ELAVL2: variants seen among roughly 807,000 people sequenced by gnomAD.
The protein encoded by ELAVL2 is ELAV like RNA binding protein 2, also known as ELAV-like protein 2.
ELAVL2 carries 4 observed loss-of-function variants against 34.6 expected under a neutral mutation model. The ratio of observed to expected loss-of-function variants is 0.12; its 90% CI spans 0.06 to 0.26. The LOEUF is 0.26. Ranked by LOEUF, ELAVL2 falls within the 10% of genes least tolerant of loss-of-function variation. The probability of loss-of-function intolerance (pLI) is 1.00; values close to 1 mark genes in which losing one functional copy is unlikely to be tolerated. For missense variants in ELAVL2, 432 were observed against 442.8 expected, an observed-to-expected ratio of 0.98 and a Z score of 0.22; for synonymous variants, 193 against 154.8, an observed-to-expected ratio of 1.25 and a Z score of -1.83.
intron 3 of ELAVL2, among the ~76,000 whole-genome samples, chr9:23,706,066 C>T (rs966549515): frequency 3.3e-5 from 5 of 152,130 alleles, no homozygotes; most frequent in Non-Finnish European, 7.4e-5. Flanking sequence ...TGTGAACAAG[C>T]CCTCATTATC....
At chr9:23,698,403 C>G (rs779271806) in intron 5 of ELAVL2, among the ~76,000 whole-genome samples, 4 of 152,174 alleles carry the variant, frequency 2.6e-5, no homozygotes, top group Non-Finnish European at 5.9e-5. Context: ...CTCACAAACC[C>G]ACCTTTAAAC....
chr9:23,816,591 T>C (rs1413259464), intron 1 of ELAVL2, among the ~76,000 whole-genome samples: 1 of 151,816 alleles, frequency 6.6e-6, no homozygotes, highest in African/African-American at 2.4e-5. Flanking sequence ...CCCCAATTTA[T>C]GATGGTTCAA....
At chr9:23,821,906 G>C (rs1238427636) in intron 1 of ELAVL2, 2 of 151,234 alleles carry the variant, frequency 1.3e-5, no homozygotes, top group African/African-American at 4.8e-5. Flanking sequence ...GGCCGGCGGC[G>C]AGTTCGCGGC....
At chr9:23,783,298 C>T (rs986950798) in intron 1 of ELAVL2, among the ~76,000 whole-genome samples, 1 of 152,150 alleles carries the variant, frequency 6.6e-6, no homozygotes, top group Non-Finnish European at 1.5e-5. Flanking sequence ...AGTAAATATT[C>T]AAGGTGCCAA....
chr9:23,807,725 T>C (rs1239729401), intron 1 of ELAVL2, among the ~76,000 whole-genome samples: 1 of 152,166 alleles, frequency 6.6e-6, no homozygotes, highest in Non-Finnish European at 1.5e-5. Flanking sequence ...GTGGATGAAT[T>C]AGTGAAATTC....
intron 1 of ELAVL2, among the ~76,000 whole-genome samples, chr9:23,823,078 C>G (rs1030836321): frequency 2.6e-5 from 4 of 152,172 alleles, no homozygotes; most frequent in Admixed American, 6.5e-5. Context: ...TTTGTGCGAC[C>G]CAGTCTGGGG....
At chr9:23,711,503 C>G (rs568763203) in intron 3 of ELAVL2, among the ~76,000 whole-genome samples, 1 of 152,252 alleles carries the variant, frequency 6.6e-6, no homozygotes, top group South Asian at 2.1e-4. Flanking sequence ...TATACAAAAC[C>G]TTCGGTAGTA....
At chr9:23,764,832 C>T (rs1327463267) in intron 1 of ELAVL2, among the ~76,000 whole-genome samples, 1 of 152,096 alleles carries the variant, frequency 6.6e-6, no homozygotes, top group Admixed American at 6.6e-5. Context: ...CTACATACAC[C>T]ACTACAGTTA....
At chr9:23,735,290 T>G (rs1325348507) in intron 2 of ELAVL2, 3 of 152,076 alleles carry the variant, frequency 2.0e-5, no homozygotes, top group Non-Finnish European at 4.4e-5. Context: ...TCTTTCTTCT[T>G]TTGAGGCAAG....
At chr9:23,764,625 A>G (rs2055824449) in intron 1 of ELAVL2, among the ~76,000 whole-genome samples, 1 of 152,186 alleles carries the variant, frequency 6.6e-6, no homozygotes, top group Non-Finnish European at 1.5e-5. Flanking sequence ...TGGAGCATAA[A>G]GAATTGTAAA....
chr9:23,730,809 G>C (rs2046336000), intron 3 of ELAVL2, among the ~76,000 whole-genome samples: 1 of 152,032 alleles, frequency 6.6e-6, no homozygotes, highest in Admixed American at 6.6e-5. Flanking sequence ...GAGAGTTGTT[G>C]CTCTGTCCCC....
At chr9:23,710,822 A>G (rs1200834364) in intron 3 of ELAVL2, among the ~76,000 whole-genome samples, 1 of 152,190 alleles carries the variant, frequency 6.6e-6, no homozygotes, top group Non-Finnish European at 1.5e-5. Context: ...AAGCAGTAGC[A>G]AAGGTCTTGT....
In ELAVL2 at chr9:23,749,771, GA is replaced by G. The variant is rs542391593; in HGVS notation, c.229+12234del. 3.6e-4 allele frequency among the ~76,000 whole-genome samples: 55 copies of G among 152,218 alleles called. 1 individual carries two copies. The South Asian group carries it at 0.011, about 30-fold the overall frequency. Reference sequence around the variant, plus strand: ...GAAGTGGGACTTTACCAAGCTTTCAGAAAAGGCTTCTCCATCAATTTGGTCC... The same window carrying G: ...GAAGTGGGACTTTACCAAGCTTTCAGAAAGGCTTCTCCATCAATTTGGTCC... On this transcript the variant is annotated intron_variant, in intron 2 of 6. Coordinates refer to ENST00000397312, the MANE Select transcript of ELAVL2 (RefSeq NM_004432.5).
intron 1 of ELAVL2, among the ~76,000 whole-genome samples, chr9:23,800,192 C>T (rs181676748): frequency 6.6e-6 from 1 of 152,054 alleles, no homozygotes; most frequent in African/African-American, 2.4e-5. Flanking sequence ...TTCATTATTC[C>T]CATTCTGTAG....
At chr9:23,737,564 G>C (rs1413953533) in intron 2 of ELAVL2, among the ~76,000 whole-genome samples, 1 of 152,144 alleles carries the variant, frequency 6.6e-6, no homozygotes, top group Non-Finnish European at 1.5e-5. Flanking sequence ...TTTGTTGAAA[G>C]TACTTTTTCA....
intron 1 of ELAVL2, among the ~76,000 whole-genome samples, chr9:23,816,096 T>C (rs2063664203): frequency 6.6e-6 from 1 of 151,904 alleles, no homozygotes; most frequent in African/African-American, 2.4e-5. Flanking sequence ...CTAAAAACTG[T>C]ATGGAAATTT....
Position 23,692,667 on chromosome 9 carries a change from T to C in ELAVL2, c.970A>G (p.Met324Val), listed in dbSNP as rs1324144710. ...NKCKGFGFVT[M>V]TNYDEAAMAI... ...ATGGCAGCCTCATCATAGTTTGTCA[T>C]AGTCACAAATCCAAAACCTTTGCAT... Residue 324 changes from methionine to valine, a missense_variant, in exon 7 of 7, where the codon ATG becomes GTG. Physicochemically the swap from Met to Val is conservative, Grantham distance 21. Coordinates refer to ENST00000397312, the MANE Select transcript of ELAVL2 (RefSeq NM_004432.5). 1.2e-6 allele frequency: 2 copies of C among 1,614,216 alleles called. No individual in the cohort carries two copies. Among genetic ancestry groups the C allele is most frequent in the Non-Finnish European group, 1.7e-6 (2 of 1,180,016 alleles).
At chr9:23,746,035 G>T (rs969894142) in intron 2 of ELAVL2, among the ~76,000 whole-genome samples, 2 of 151,938 alleles carry the variant, frequency 1.3e-5, no homozygotes, top group African/African-American at 4.8e-5. Flanking sequence ...ACTTGGAAGG[G>T]AGGATCGGTA....
chr9:23,720,992 T>C (rs886629706), intron 3 of ELAVL2, among the ~76,000 whole-genome samples: 1 of 152,158 alleles, frequency 6.6e-6, no homozygotes, highest in African/African-American at 2.4e-5. Flanking sequence ...CAGTCTCTTG[T>C]GTAAAGGCAT....
Sources: allele counts gnomAD v4.1 joint callset (sites outside exome capture counted in the v4.1 genomes callset), GRCh38; gene constraint gnomAD v4.1.1; transcripts MANE v1.5; gene names NCBI Gene and HGNC (gene_info 2026-07-23, HGNC 2026-07-21).